ADAMTS17: variants seen among roughly 807,000 people sequenced by gnomAD.
ADAMTS17 encodes the protein ADAM metallopeptidase with thrombospondin type 1 motif 17, also known as A disintegrin and metalloproteinase with thrombospondin motifs 17.
A neutral mutation model predicts 141.5 loss-of-function variants in ADAMTS17; 113 were observed. The ratio of observed to expected loss-of-function variants is 0.80; its 90% CI spans 0.69 to 0.93. The LOEUF (loss-of-function observed/expected upper bound fraction) is 0.93. Among genes scored for constraint, ADAMTS17 ranks in the 40% least tolerant of loss-of-function variants. The pLI, the probability that ADAMTS17 is intolerant of heterozygous loss-of-function variation, is 0.00. For synonymous variants in ADAMTS17, 768 were observed against 630.6 expected, an observed-to-expected ratio of 1.22 and a Z score of -3.27; for missense variants, 1,659 against 1,517.9, an observed-to-expected ratio of 1.09 and a Z score of -1.54.
At chr15:100,197,552 A>G (rs2041166222) in intron 8 of ADAMTS17, among the ~76,000 whole-genome samples, 1 of 152,206 alleles carries the variant, frequency 6.6e-6, no homozygotes, top group Admixed American at 6.5e-5. Context: ...CTTCATTTAA[A>G]AAACAGTTCT....
chr15:100,003,224 T>C (rs2060965774), intron 18 of ADAMTS17, among the ~76,000 whole-genome samples: 1 of 152,098 alleles, frequency 6.6e-6, no homozygotes, highest in African/African-American at 2.4e-5. Flanking sequence ...GGCACAGCCC[T>C]TGCTCCACGC....
At chr15:100,044,719 G>A (rs529832249) in intron 18 of ADAMTS17, among the ~76,000 whole-genome samples, 82 of 152,060 alleles carry the variant, frequency 5.4e-4, no homozygotes, top group Non-Finnish European at 9.9e-4. Context: ...AGTAATTTTG[G>A]ATTGTACCTG....
chr15:100,165,306 C>T (rs2039904698), intron 8 of ADAMTS17, among the ~76,000 whole-genome samples: 1 of 152,208 alleles, frequency 6.6e-6, no homozygotes, highest in South Asian at 2.1e-4. Flanking sequence ...CAATCAATGG[C>T]TTGACATGAA....
At chr15:100,109,263 G>GCTCCTCTAAACACGCGGCACAA in intron 13 of ADAMTS17, 147 bp from the exon 14 acceptor site, 4 of 1,085,962 alleles carry the variant, frequency 3.7e-6, no homozygotes, top group Admixed American at 4.2e-5. Context: ...ACGCGCTCCA[G>GCTCCTCTAAACACGCGGCACAA]GAAGCGGAAA....
intron 3 of ADAMTS17, among the ~76,000 whole-genome samples, chr15:100,291,320 T>C (rs1433318101): frequency 3.3e-5 from 5 of 152,220 alleles, no homozygotes; most frequent in African/African-American, 7.2e-5. Context: ...CCAGTTAGAA[T>C]GGCTATTGTT....
intron 7 of ADAMTS17, among the ~76,000 whole-genome samples, chr15:100,250,271 C>G (rs533741014): frequency 2.0e-5 from 3 of 152,282 alleles, no homozygotes; most frequent in African/African-American, 7.2e-5. Context: ...CCAAATTACA[C>G]AACACTGGCA....
intron 4 of ADAMTS17, among the ~76,000 whole-genome samples, chr15:100,274,192 T>C (rs1365749172): frequency 6.6e-6 from 1 of 152,198 alleles, no homozygotes; most frequent in African/African-American, 2.4e-5. Context: ...GTCTGCTAGA[T>C]CCAGTTGACT....
intron 2 of ADAMTS17, among the ~76,000 whole-genome samples, chr15:100,334,557 C>T (rs927847695): frequency 3.9e-5 from 6 of 152,092 alleles, no homozygotes; most frequent in Middle Eastern, 3.4e-3. Context: ...GACTCTCCGG[C>T]GGGCACACAC....
At chr15:100,002,127 A>G (rs2060940349) in intron 18 of ADAMTS17, among the ~76,000 whole-genome samples, 2 of 151,816 alleles carry the variant, frequency 1.3e-5, no homozygotes. Context: ...CAGATTAAAC[A>G]TATTAACTTC....
intron 17 of ADAMTS17, 119 bp downstream of exon 17, chr15:100,051,453 A>ATTT: frequency 7.0e-7 from 1 of 1,436,648 alleles, no homozygotes; most frequent in African/African-American, 1.4e-5. Context: ...GGATATGGTT[A>ATTT]AATTCCCATG....
chr15:100,139,139 T>C (rs1014203185), intron 10 of ADAMTS17, among the ~76,000 whole-genome samples: 8 of 151,986 alleles, frequency 5.3e-5, no homozygotes, highest in African/African-American at 1.7e-4. Context: ...GGGGGGAAAC[T>C]AGATGAACCT....
chr15:100,245,877 G>A (rs2042971435), intron 7 of ADAMTS17, among the ~76,000 whole-genome samples: 1 of 152,196 alleles, frequency 6.6e-6, no homozygotes, highest in Non-Finnish European at 1.5e-5. Context: ...GCATGCATGA[G>A]CGTAAAGGTG....
intron 18 of ADAMTS17, among the ~76,000 whole-genome samples, chr15:100,041,933 A>G (rs940073976): frequency 1.2e-4 from 18 of 152,342 alleles, no homozygotes; most frequent in African/African-American, 4.1e-4. Flanking sequence ...AAGGTCAAAG[A>G]GTAACAATAA....
chr15:100,276,473 G>C (rs1201138855), intron 4 of ADAMTS17, among the ~76,000 whole-genome samples: 1 of 111,148 alleles, frequency 9.0e-6, no homozygotes, highest in African/African-American at 3.6e-5. Context: ...GTGGGAGGGA[G>C]TGGGTGCCTG....
intron 3 of ADAMTS17, among the ~76,000 whole-genome samples, chr15:100,328,867 G>A (rs142819713): frequency 6.6e-6 from 1 of 152,276 alleles, no homozygotes; most frequent in African/African-American, 2.4e-5. Flanking sequence ...CGTGAGCAGA[G>A]AGAACAGTGA....
chr15:100,115,397 G>A (rs2037052753), intron 13 of ADAMTS17, among the ~76,000 whole-genome samples: 1 of 152,210 alleles, frequency 6.6e-6, no homozygotes, highest in Non-Finnish European at 1.5e-5. Context: ...GAATTCTGCT[G>A]GCGAGCTGAT....
intron 8 of ADAMTS17, among the ~76,000 whole-genome samples, chr15:100,166,470 C>T (rs1315122505): frequency 5.3e-5 from 8 of 152,196 alleles, no homozygotes; most frequent in African/African-American, 1.7e-4. Context: ...CCCATATCGA[C>T]TGGAAATGCT....
intron 7 of ADAMTS17, among the ~76,000 whole-genome samples, chr15:100,201,560 A>G (rs945991177): frequency 4.6e-5 from 7 of 152,220 alleles, no homozygotes; most frequent in African/African-American, 1.2e-4. Flanking sequence ...GGAAGCTCAC[A>G]TGGCCTGGCT....
At chr15:100,056,930 G>A (rs192333031) in intron 15 of ADAMTS17, among the ~76,000 whole-genome samples, 16 of 152,156 alleles carry the variant, frequency 1.1e-4, no homozygotes, top group Admixed American at 5.2e-4. Context: ...TCCGGGGCCT[G>A]GGAATGTTGT....
Sources: allele counts gnomAD v4.1 joint callset (sites outside exome capture counted in the v4.1 genomes callset), GRCh38; gene constraint gnomAD v4.1.1; transcripts MANE v1.5; gene names NCBI Gene and HGNC (gene_info 2026-07-23, HGNC 2026-07-21).